CEP120: variants seen among roughly 807,000 people sequenced by gnomAD.
CEP120 encodes centrosomal protein 120, also known as centrosomal protein of 120 kDa.
A neutral mutation model predicts 126.5 loss-of-function variants in CEP120; 113 were observed. The observed-to-expected ratio is 0.89, with a 90% CI of 0.77 to 1.04. The LOEUF (loss-of-function observed/expected upper bound fraction) is 1.04, where lower values mean the gene tolerates loss of function less well. Among genes scored for constraint, CEP120 ranks in the 50% least tolerant of loss-of-function variants. The probability of loss-of-function intolerance (pLI) is 0.00; values close to 1 mark genes in which losing one functional copy is unlikely to be tolerated. For missense variants in CEP120, 1,230 were observed against 1,155.7 expected, an observed-to-expected ratio of 1.06 and a Z score of -0.93; for synonymous variants, 400 against 394.3, an observed-to-expected ratio of 1.01 and a Z score of -0.17.
intron 18 of CEP120, chr5:123,358,528 A>T (rs1769824360): frequency 6.6e-6 from 1 of 152,160 alleles, no homozygotes; most frequent in Non-Finnish European, 1.5e-5. Context: ...AAATTTTTAC[A>T]ATGAGTAAAT....
intron 17 of CEP120, among the ~76,000 whole-genome samples, chr5:123,368,542 G>A (rs994110940): frequency 6.6e-6 from 1 of 151,962 alleles, no homozygotes; most frequent in Admixed American, 6.6e-5. Context: ...TGCAATTAAA[G>A]CAATGTGGGG....
intron 18 of CEP120, among the ~76,000 whole-genome samples, chr5:123,356,093 T>C (rs1025729359): frequency 1.8e-4 from 28 of 152,160 alleles, no homozygotes; most frequent in Non-Finnish European, 3.4e-4. Flanking sequence ...GTTGTAGATA[T>C]GCGGCATTAT....
intron 13 of CEP120, among the ~76,000 whole-genome samples, 194 bp downstream of exon 13, chr5:123,382,541 TTC>T (rs1322365849): frequency 6.6e-6 from 1 of 152,118 alleles, no homozygotes; most frequent in Non-Finnish European, 1.5e-5. Flanking sequence ...GTTTACAGAA[TTC>T]TGAGTGGCTT....
intron 1 of CEP120, among the ~76,000 whole-genome samples, chr5:123,421,677 G>C (rs1774725398): frequency 7.0e-6 from 1 of 142,332 alleles, no homozygotes; most frequent in Non-Finnish European, 1.5e-5. Flanking sequence ...TGTGTCCTGT[G>C]ATCTCCCCAC....
chr5:123,416,251 T>C, intron 2 of CEP120, 127 bp from the exon 3 acceptor site: 3 of 617,184 alleles, frequency 4.9e-6, no homozygotes, highest in Non-Finnish European at 8.5e-6. Context: ...TTTTACATTG[T>C]CTAAAAAACT....
intron 18 of CEP120, among the ~76,000 whole-genome samples, chr5:123,351,546 G>T (rs1769199232): frequency 6.6e-6 from 1 of 152,052 alleles, no homozygotes; most frequent in Non-Finnish European, 1.5e-5. Flanking sequence ...GTGGTCAGAG[G>T]ATATAAGAAT....
chr5:123,416,176 A>G (rs776711462), intron 2 of CEP120, 52 bp from the exon 3 acceptor site: 20 of 1,012,470 alleles, frequency 2.0e-5, no homozygotes, highest in Non-Finnish European at 3.0e-5. Flanking sequence ...TAAACTTTCT[A>G]TTGGCCTTGA....
At chr5:123,419,960 T>C (rs760700545) in intron 1 of CEP120, among the ~76,000 whole-genome samples, 1 of 152,232 alleles carries the variant, frequency 6.6e-6, no homozygotes, top group Non-Finnish European at 1.5e-5. Flanking sequence ...TTTTATCCAT[T>C]GATTAATGAA....
intron 17 of CEP120, among the ~76,000 whole-genome samples, chr5:123,369,158 T>C (rs1011661403): frequency 6.6e-6 from 1 of 151,968 alleles, no homozygotes; most frequent in African/African-American, 2.4e-5. Context: ...TTTTCCTTAA[T>C]GTAAAGATCA....
rs371006183 is a variant in CEP120, at chr5:123,423,336, G to C, written c.-338C>G. On this transcript the variant is annotated 5_prime_UTR_variant, in exon 1 of 20. Transcript: ENST00000306467. ...CGCCCGGGCGGCCGCAGCGGCCGCCGCCGCGCCCAGCTTCCGCCTAGCAAC... is the reference window on the plus strand; with the variant it reads ...CGCCCGGGCGGCCGCAGCGGCCGCCCCCGCGCCCAGCTTCCGCCTAGCAAC... 2.9e-6 allele frequency: 1 copy of C among 347,156 alleles called. No homozygotes were observed. Among genetic ancestry groups the C allele is most frequent in the East Asian group, 6.2e-5 (1 of 16,154 alleles). The allele number at this position is 347,156 out of a possible 1,614,324, so 21.5% of individuals were successfully genotyped here.
chr5:123,383,010 C>A lies in CEP120; in HGVS notation c.1836G>T (p.Glu612Asp). ...LEDYGLVKMR[E>D]IFISDSSQGV... ...CCTGAGATGAATCAGAGATAAAAAT[C>A]TCACGCATTTTTACTAGTCCATAAT... The change falls in exon 12 of 20, where the codon GAG (glutamate) becomes GAT (aspartate). Residue 612 changes from glutamate (E) to aspartate (D), a missense_variant. Glu to Asp is a conservative substitution (Grantham distance 45, BLOSUM62 2). Transcript: ENST00000306467. 1.3e-6 allele frequency: 2 copies of A among 1,599,022 alleles called. No individual in the cohort carries two copies. Among genetic ancestry groups the A allele is most frequent in the South Asian group, 2.2e-5 (2 of 89,814 alleles).
intron 18 of CEP120, among the ~76,000 whole-genome samples, chr5:123,361,131 C>T (rs1770048844): frequency 6.6e-6 from 1 of 151,798 alleles, no homozygotes; most frequent in Non-Finnish European, 1.5e-5. Flanking sequence ...TGACTGTTCA[C>T]TGCTCAGCTT....
At chr5:123,394,909 T>G (rs1263909623) in intron 5 of CEP120, among the ~76,000 whole-genome samples, 1 of 152,224 alleles carries the variant, frequency 6.6e-6, no homozygotes, top group Admixed American at 6.5e-5. Flanking sequence ...AATCACTGTG[T>G]GTATGCACTT....
At chr5:123,395,344 G>A (rs1032828150) in intron 5 of CEP120, among the ~76,000 whole-genome samples, 1 of 152,130 alleles carries the variant, frequency 6.6e-6, no homozygotes, top group African/African-American at 2.4e-5. Flanking sequence ...ATAGTAACAT[G>A]TGCTAAGTCA....
chr5:123,350,907 CT>C (rs1769158421), intron 18 of CEP120, among the ~76,000 whole-genome samples: 1 of 152,168 alleles, frequency 6.6e-6, no homozygotes, highest in Non-Finnish European at 1.5e-5. Flanking sequence ...ATAACAGACA[CT>C]TTTGCTACTA....
At chr5:123,409,037 T>C (rs1773873644) in intron 4 of CEP120, among the ~76,000 whole-genome samples, 2 of 152,266 alleles carry the variant, frequency 1.3e-5, no homozygotes, top group South Asian at 4.1e-4. Context: ...GGAGACTGCA[T>C]CTCTACAAAA....
chr5:123,387,955 T>C (rs1251762592), intron 9 of CEP120, among the ~76,000 whole-genome samples: 1 of 151,962 alleles, frequency 6.6e-6, no homozygotes, highest in Non-Finnish European at 1.5e-5. Context: ...ATGGAGGTAT[T>C]AGGAATATGA....
chr5:123,406,531 A>C (rs1327452802), intron 4 of CEP120, among the ~76,000 whole-genome samples: 1 of 150,196 alleles, frequency 6.7e-6, no homozygotes, highest in Non-Finnish European at 1.5e-5. Context: ...ATTACATCCA[A>C]TTTCTCAGAA....
intron 18 of CEP120, among the ~76,000 whole-genome samples, chr5:123,357,304 T>A (rs768480387): frequency 1.6e-4 from 25 of 152,122 alleles, no homozygotes; most frequent in Non-Finnish European, 2.6e-4. Flanking sequence ...TATTTTTGAA[T>A]CTATGAAGTG....
Sources: gnomAD v4.1 joint callset for allele counts (sites outside exome capture counted in the v4.1 genomes callset) on GRCh38, gnomAD v4.1.1 for gene constraint, MANE v1.5 for transcripts, NCBI Gene and HGNC (gene_info 2026-07-23, HGNC 2026-07-21) for gene names.